The following ENPP5 variants were observed in gnomAD, a reference collection of about 807,000 sequenced individuals.
The protein encoded by ENPP5 is E-NPP 5.
ENPP5 carries 27 observed loss-of-function variants against 33.7 expected under a neutral mutation model. The ratio of observed to expected loss-of-function variants is 0.80; its 90% CI spans 0.59 to 1.11. ENPP5 has a LOEUF of 1.11. Ranked by LOEUF, ENPP5 falls within the 50% of genes least tolerant of loss-of-function variation. ENPP5 has a pLI of 0.00. For synonymous variants in ENPP5, 199 were observed against 200.5 expected (o/e 0.99, Z 0.06); for missense variants, 552 against 579.2 (o/e 0.95, Z 0.48).
chr6:46,166,908 T>C (rs1391730599), intron 3 of ENPP5, among the ~76,000 whole-genome samples: 1 of 152,214 alleles, frequency 6.6e-6, no homozygotes, highest in East Asian at 1.9e-4. Context: ...GTGACAGGTT[T>C]GGTATAAGGA....
Position 46,160,486 on chromosome 6 carries a change from T to C in ENPP5, c.*840A>G, listed in dbSNP as rs1764354646. 1 of 152,206 alleles carries C rather than the reference T, an allele frequency of 6.6e-6. No homozygotes were observed. Among genetic ancestry groups the C allele is most frequent in the Non-Finnish European group, 1.5e-5 (1 of 68,026 alleles). The allele number at this position is 152,206 out of a possible 1,614,324, so 9.4% of individuals were successfully genotyped here. ...CAAACAAGAGAAAACATTGCTGAGA[T>C]GGTGCCTGGTTGCTTCTATTCAGGC... On this transcript the variant is annotated 3_prime_UTR_variant, in exon 5 of 5. Transcript: ENST00000371383.
intron 3 of ENPP5, among the ~76,000 whole-genome samples, chr6:46,167,107 A>G (rs1764569826): frequency 6.6e-6 from 1 of 152,192 alleles, no homozygotes; most frequent in African/African-American, 2.4e-5. Flanking sequence ...CATGCATTCA[A>G]GTTTTGTATG....
Position 46,170,848 on chromosome 6 carries a change from C to G in ENPP5, c.-138G>C, listed in dbSNP as rs900463724. 3 of 152,204 alleles carry G rather than the reference C, an allele frequency of 2.0e-5. No homozygotes were observed. The highest frequency in any genetic ancestry group is 7.2e-5 in the African/African-American group (3 of 41,434). 9.4% of individuals were successfully genotyped at this position (152,204 alleles called of 1,614,324 possible). On this transcript the variant is annotated 5_prime_UTR_variant, in exon 1 of 5. Transcript: ENST00000371383. The stretch of plus-strand genomic sequence containing the variant: ...TTCAGTCCGTATTAGTTTGGAGCAA[C>G]GGGAGGGAGGGTCTGGAGGAGACTC...
intron 4 of ENPP5, 61 bp downstream of exon 4, chr6:46,165,326 A>T: frequency 7.8e-7 from 1 of 1,277,586 alleles, no homozygotes; most frequent in Non-Finnish European, 1.1e-6. Flanking sequence ...TTATGTATTT[A>T]AACTGTTGTA....
chr6:46,161,705 A>T lies in ENPP5; in HGVS notation c.1055T>A (p.Phe352Tyr), dbSNP rs1295541658. ...TCTGAAGGCAGGACCATGGGCTAAA[A>T]ATATTGGATGCATATCTGCTAACGC... ...DNALADMHPIFLAHGPAFRKN... is the reference protein window; with the variant it reads ...DNALADMHPIYLAHGPAFRKN... Residue 352 changes from phenylalanine (F) to tyrosine (Y), a missense_variant, in exon 5 of 5, where the codon TTT becomes TAT. Coordinates refer to ENST00000371383, the MANE Select transcript of ENPP5 (RefSeq NM_001290072.2). 2.5e-6 allele frequency: 4 copies of T among 1,613,386 alleles called. No individual in the cohort carries two copies. In the East Asian group the frequency reaches 8.9e-5, roughly 36 times the overall value.
rs942535026 is a variant in ENPP5 at position 46,160,125 on chromosome 6, C to A, written c.*1201G>T. Reference sequence around the variant, plus strand: ...TTCTTGAAACAGAGCTATATCATCTCGGCTCCCGTGTTTTGATACCTGTTA... The same window carrying A: ...TTCTTGAAACAGAGCTATATCATCTAGGCTCCCGTGTTTTGATACCTGTTA... On this transcript the variant is annotated 3_prime_UTR_variant, in exon 5 of 5. Transcript: ENST00000371383. 2 of 152,134 alleles carry A rather than the reference C, an allele frequency of 1.3e-5. No homozygotes were observed. The highest frequency in any genetic ancestry group is 6.5e-5 in the Admixed American group (1 of 15,270). 9.4% of individuals were successfully genotyped at this position (152,134 alleles called of 1,614,324 possible).
chr6:46,170,473 A>G (rs1235478355), intron 1 of ENPP5, among the ~76,000 whole-genome samples: 1 of 151,728 alleles, frequency 6.6e-6, no homozygotes, highest in African/African-American at 2.4e-5. Flanking sequence ...AGTACTTTCC[A>G]GTTCTTTCTC....
chr6:46,160,968 A>G lies in ENPP5; in HGVS notation c.*358T>C, dbSNP rs1330636322. 1 of 192,480 alleles carries G rather than the reference A, an allele frequency of 5.2e-6. No homozygotes were observed. The highest frequency in any genetic ancestry group is 2.3e-5 in the African/African-American group (1 of 43,266). The allele number at this position is 192,480 out of a possible 1,614,324, so 11.9% of individuals were successfully genotyped here. A position where few individuals can be genotyped will look rare whatever the true frequency, so the allele number is the denominator to read the frequency against. ...ATAACTGTGCATAAAGTGCATTTCA[A>G]ATTAAAGTACCCATCAGGAGAGAAA... On this transcript the variant is annotated 3_prime_UTR_variant, in exon 5 of 5. Coordinates refer to ENST00000371383, the MANE Select transcript of ENPP5 (RefSeq NM_001290072.2).
At chr6:46,164,204 A>G (rs1034474909) in intron 4 of ENPP5, among the ~76,000 whole-genome samples, 7 of 152,212 alleles carry the variant, frequency 4.6e-5, no homozygotes, top group Admixed American at 3.3e-4. Flanking sequence ...TCATCTGACA[A>G]AGGGCTAATA....
At position 46,161,761 on chromosome 6, in the gene ENPP5, G is replaced by A; in HGVS notation, c.1007-8C>T. On this transcript the variant is annotated splice_polypyrimidine_tract_variant and splice_region_variant and intron_variant, in intron 4 of 4. Coordinates refer to ENST00000371383, the MANE Select transcript of ENPP5 (RefSeq NM_001290072.2). ...CGTAACCGTGGTTGCCTACTGTAAA[G>A]AGAAAATATGTGAAAAAGTTAGCCA... is the stretch of plus-strand genomic sequence containing the variant. 6.3e-7 allele frequency: 1 copy of A among 1,595,720 alleles called. No individual in the cohort carries two copies. Among genetic ancestry groups the A allele is most frequent in the Non-Finnish European group, 8.5e-7 (1 of 1,173,184 alleles).
In ENPP5 at chr6:46,161,765, A is replaced by C; in HGVS notation, c.1007-12T>G. 1 of 1,591,990 alleles carries C rather than the reference A, an allele frequency of 6.3e-7. No homozygotes were observed. The highest frequency in any genetic ancestry group is 8.5e-7 in the Non-Finnish European group (1 of 1,171,014). Reference sequence around the variant, plus strand: ...ACCGTGGTTGCCTACTGTAAAGAGAAAATATGTGAAAAAGTTAGCCAACTA... The same window carrying C: ...ACCGTGGTTGCCTACTGTAAAGAGACAATATGTGAAAAAGTTAGCCAACTA... On this transcript the variant is annotated splice_polypyrimidine_tract_variant and intron_variant, in intron 4 of 4. Transcript: ENST00000371383.
In ENPP5 at chr6:46,168,231, A is replaced by AGAAATTTCTTGG. The variant is rs1276790417; in HGVS notation, c.31_32insCCAAGAAATTTC (p.Ile11delinsThrLysLysPheLeu). Reference sequence around the variant, plus strand: ...GGTTGAAAGACTCAGTGCAGCAAGTATGAAGGACACCAAGAGAAATTTCGA... The same window carrying AGAAATTTCTTGG: ...GGTTGAAAGACTCAGTGCAGCAAGTAGAAATTTCTTGGTGAAGGACACCAAGAGAAATTTCGA... On this transcript the variant is annotated protein_altering_variant, in exon 3 of 5. Coordinates refer to ENST00000371383, the MANE Select transcript of ENPP5 (RefSeq NM_001290072.2). 16 of 1,598,412 alleles carry AGAAATTTCTTGG rather than the reference A, an allele frequency of 1.0e-5. No homozygotes were observed. The highest frequency in any genetic ancestry group is 1.7e-5 in the Admixed American group (1 of 58,312).
chr6:46,167,484 T>C lies in ENPP5; in HGVS notation c.779A>G (p.His260Arg). ...IELDQYLDKDHYTLIDQSPVA... is the reference protein window; with the variant it reads ...IELDQYLDKDRYTLIDQSPVA... ...TGGAGATTGATCAATCAGGGTATAG[T>C]GGTCTTTATCCAGGTACTGGTCAAG... The change falls in exon 3 of 5, where the codon CAC becomes CGC. Residue 260 changes from histidine to arginine, a missense_variant. Coordinates refer to ENST00000371383, the MANE Select transcript of ENPP5 (RefSeq NM_001290072.2). 1.2e-6 allele frequency: 2 copies of C among 1,614,158 alleles called. No individual in the cohort carries two copies. The highest frequency in any genetic ancestry group is 8.5e-7 in the Non-Finnish European group (1 of 1,179,994).
In ENPP5 at chr6:46,159,242, G is replaced by T. The variant is rs1427658599; in HGVS notation, c.*2084C>A. 1 of 152,020 alleles carries T rather than the reference G, an allele frequency of 6.6e-6. No individual in the cohort carries two copies. The highest frequency in any genetic ancestry group is 2.4e-5 in the African/African-American group (1 of 41,378). The allele number at this position is 152,020 out of a possible 1,614,324, so 9.4% of individuals were successfully genotyped here. A position where few individuals can be genotyped will look rare whatever the true frequency, so the allele number is the denominator to read the frequency against. On this transcript the variant is annotated 3_prime_UTR_variant, in exon 5 of 5. Transcript: ENST00000371383. ...TTCAGGTAAACTCTCCTATTTTACA[G>T]GAAAATAAGTATCTGTAAGTAAACC...
rs1376897467 is a variant in ENPP5 at position 46,165,577 on chromosome 6, A to C, written c.830-14T>G. 1 of 1,538,008 alleles carries C rather than the reference A, an allele frequency of 6.5e-7. No homozygotes were observed. Among genetic ancestry groups the C allele is most frequent in the South Asian group, 1.3e-5 (1 of 75,762 alleles). On this transcript the variant is annotated splice_polypyrimidine_tract_variant and intron_variant, in intron 3 of 4. Coordinates refer to ENST00000371383, the MANE Select transcript of ENPP5 (RefSeq NM_001290072.2). ...CATCAAATTTACCTAAAGAGAAGGG[A>C]GGAGAGGCACTCAGAACAAAATACT...
In ENPP5 at chr6:46,161,510, G is replaced by C. The variant is rs1354392455; in HGVS notation, c.1250C>G (p.Pro417Arg). The change falls in exon 5 of 5, where the codon CCT becomes CGT. Residue 417 changes from proline (P) to arginine (R), a missense_variant. Coordinates refer to ENST00000371383, the MANE Select transcript of ENPP5 (RefSeq NM_001290072.2). ...ATATTCTGCTGGTTTAACACTACCAGGGAGGAGTATAGTACTCTGTGTATA... is the reference window on the plus strand; with the variant it reads ...ATATTCTGCTGGTTTAACACTACCACGGAGGAGTATAGTACTCTGTGTATA... ...VPYTQSTILLPGSVKPAEYDQ... is the reference protein window; with the variant it reads ...VPYTQSTILLRGSVKPAEYDQ... 3 of 1,613,922 alleles carry C rather than the reference G, an allele frequency of 1.9e-6. No individual in the cohort carries two copies. The highest frequency in any genetic ancestry group is 2.2e-5 in the East Asian group (1 of 44,896).
rs1764611902 is a variant in ENPP5, at chr6:46,168,102, A to C, written c.161T>G (p.Ile54Ser). ...YKVPTPHFHY[I>S]MKYGVHVKQV... Reference sequence around the variant, plus strand: ...CTTCACGTGAACACCATATTTCATAATATAATGAAAATGGGGCGTTGGAAC... The same window carrying C: ...CTTCACGTGAACACCATATTTCATACTATAATGAAAATGGGGCGTTGGAAC... Residue 54 changes from isoleucine to serine, a missense_variant, in exon 3 of 5, where the codon ATT (isoleucine) becomes AGT (serine). Coordinates refer to ENST00000371383, the MANE Select transcript of ENPP5 (RefSeq NM_001290072.2). 1 of 1,613,986 alleles carries C rather than the reference A, an allele frequency of 6.2e-7. No individual in the cohort carries two copies. The highest frequency in any genetic ancestry group is 8.5e-7 in the Non-Finnish European group (1 of 1,179,866).
rs1011293418 is a variant in ENPP5 at position 46,160,210 on chromosome 6, T to C, written c.*1116A>G. On this transcript the variant is annotated 3_prime_UTR_variant, in exon 5 of 5. Transcript: ENST00000371383. ...GCACACTTTACCACTGTTCTGGGTG[T>C]CTTGTAAACATCTCACATGTGGTCC... 5 of 152,208 alleles carry C rather than the reference T, an allele frequency of 3.3e-5. No individual in the cohort carries two copies. The highest frequency in any genetic ancestry group is 1.2e-4 in the African/African-American group (5 of 41,458). The allele number at this position is 152,208 out of a possible 1,614,324, so 9.4% of individuals were successfully genotyped here. A position where few individuals can be genotyped will look rare whatever the true frequency, so the allele number is the denominator to read the frequency against.
Position 46,165,511 on chromosome 6 carries a change from A to G in ENPP5, c.882T>C (p.Thr294=). The change falls in exon 4 of 5, where the codon ACT becomes ACC. Residue 294 remains threonine (T), a synonymous_variant. Transcript: ENST00000371383. ...CTGGAACGTCTTCTTTTTTGTAAAC[A>G]GTAAGATTAGGATGAGCGTGAGTTA... ...EALTHAHPNL[T]VYKKEDVPER... is the part of the protein sequence containing the mutation. 1 of 1,610,202 alleles carries G rather than the reference A, an allele frequency of 6.2e-7. No homozygotes were observed. Among genetic ancestry groups the G allele is most frequent in the Non-Finnish European group, 8.5e-7 (1 of 1,179,028 alleles).
Sources: allele counts gnomAD v4.1 joint callset (sites outside exome capture counted in the v4.1 genomes callset), GRCh38; gene constraint gnomAD v4.1.1; transcripts MANE v1.5; gene names NCBI Gene and HGNC (gene_info 2026-07-23, HGNC 2026-07-21).